The following GFRA1 variants were observed in gnomAD, a reference collection of about 807,000 sequenced individuals.
GFRA1 encodes the protein GDNF family receptor alpha 1.
In GFRA1, 16 loss-of-function variants were observed where a neutral mutation model predicts 51.6. That is an observed-to-expected ratio of 0.31 (90% CI 0.21 to 0.47). The LOEUF is 0.47. Among genes scored for constraint, GFRA1 ranks in the 20% least tolerant of loss-of-function variants. GFRA1 has a pLI of 1.00. For missense variants in GFRA1, 530 were observed against 594.3 expected (o/e 0.89, Z 1.13); for synonymous variants, 270 against 241.3 (o/e 1.12, Z -1.10).
intron 5 of GFRA1, among the ~76,000 whole-genome samples, chr10:116,128,955 T>C (rs1447350820): frequency 6.6e-6 from 1 of 152,154 alleles, no homozygotes; most frequent in Non-Finnish European, 1.5e-5. Flanking sequence ...TAGGTGTGAC[T>C]TAGCCTCACT....
At chr10:116,128,352 CG>C (rs1957958525) in intron 5 of GFRA1, among the ~76,000 whole-genome samples, 1 of 152,134 alleles carries the variant, frequency 6.6e-6, no homozygotes, top group African/African-American at 2.4e-5. Context: ...ATAAAAATAA[CG>C]AAAGTCAACA....
chr10:116,196,909 A>C (rs1963929672), intron 5 of GFRA1, among the ~76,000 whole-genome samples: 1 of 147,808 alleles, frequency 6.8e-6, no homozygotes, highest in Non-Finnish European at 1.5e-5. Context: ...CAGGAGGGCC[A>C]TGCTGAAGGT....
chr10:116,187,619 T>C (rs1445610623), intron 5 of GFRA1, among the ~76,000 whole-genome samples: 1 of 152,214 alleles, frequency 6.6e-6, no homozygotes, highest in African/African-American at 2.4e-5. Flanking sequence ...GGTTGACTTT[T>C]CTATGCAAGT....
chr10:116,133,286 G>C (rs559036470), intron 5 of GFRA1, among the ~76,000 whole-genome samples: 1 of 152,200 alleles, frequency 6.6e-6, no homozygotes, highest in East Asian at 1.9e-4. Context: ...TCACTTTGCA[G>C]GTTACGTATT....
chr10:116,248,170 G>A (rs564357026), intron 4 of GFRA1, among the ~76,000 whole-genome samples: 74 of 152,266 alleles, frequency 4.9e-4, no homozygotes, highest in African/African-American at 1.7e-3. Flanking sequence ...ACTTCTTGCA[G>A]AATGTGGCCT....
chr10:116,123,010 AG>A (rs1360637737), intron 6 of GFRA1, among the ~76,000 whole-genome samples: 2 of 152,348 alleles, frequency 1.3e-5, no homozygotes, highest in South Asian at 2.1e-4. Context: ...TAGAGACTAC[AG>A]GGGGCCAGGA....
At chr10:116,104,143 T>C (rs1282510316) in intron 6 of GFRA1, among the ~76,000 whole-genome samples, 1 of 152,204 alleles carries the variant, frequency 6.6e-6, no homozygotes, top group Admixed American at 6.5e-5. Flanking sequence ...GGTAGTGGGA[T>C]TATTAAAGCC....
At chr10:116,227,199 G>A (rs1047802984) in intron 4 of GFRA1, among the ~76,000 whole-genome samples, 2 of 152,192 alleles carry the variant, frequency 1.3e-5, no homozygotes, top group African/African-American at 4.8e-5. Flanking sequence ...TACCCAAAGA[G>A]AGGAAACAGA....
intron 5 of GFRA1, among the ~76,000 whole-genome samples, chr10:116,211,026 A>G (rs962444435): frequency 9.9e-5 from 15 of 152,174 alleles, no homozygotes; most frequent in Non-Finnish European, 2.1e-4. Flanking sequence ...ACATGGGCCA[A>G]TGTGGGGTTA....
intron 4 of GFRA1, among the ~76,000 whole-genome samples, chr10:116,221,075 A>G (rs1189644251): frequency 6.6e-6 from 1 of 152,186 alleles, no homozygotes; most frequent in East Asian, 1.9e-4. Flanking sequence ...TATTAATAAT[A>G]ACTAATATGC....
chr10:116,086,670 T>C (rs554507421), intron 9 of GFRA1, among the ~76,000 whole-genome samples: 12 of 152,274 alleles, frequency 7.9e-5, no homozygotes, highest in African/African-American at 2.9e-4. Context: ...GCTGTTTAGC[T>C]CCAGGATATG....
At chr10:116,237,320 C>A (rs1298671387) in intron 4 of GFRA1, among the ~76,000 whole-genome samples, 8 of 152,108 alleles carry the variant, frequency 5.3e-5, no homozygotes, top group Admixed American at 3.3e-4. Context: ...TTAACCACAC[C>A]TCTTGATGAT....
rs1158907896 is a variant in GFRA1 at position 116,126,316 on chromosome 10, T to A, written c.434-759A>T. 2.6e-5 allele frequency among the ~76,000 whole-genome samples: 4 copies of A among 152,246 alleles called. No individual in the cohort carries two copies. The East Asian group carries it at 7.7e-4, about 29-fold the overall frequency. On this transcript the variant is annotated intron_variant, in intron 5 of 10. Transcript: ENST00000355422. ...GAAGCTCACAGAGCATATGCTGCCT[T>A]CTGCCCAAGCCCTGTGCACTCATAC...
chr10:116,265,329 A>G (rs1391768379), intron 4 of GFRA1, among the ~76,000 whole-genome samples: 1 of 152,194 alleles, frequency 6.6e-6, no homozygotes, highest in Admixed American at 6.5e-5. Flanking sequence ...TCTTGCATGC[A>G]ATATCATCAA....
intron 4 of GFRA1, among the ~76,000 whole-genome samples, chr10:116,221,174 C>T (rs1244057831): frequency 6.6e-6 from 1 of 152,152 alleles, no homozygotes; most frequent in African/African-American, 2.4e-5. Flanking sequence ...GGTAGCTATT[C>T]TCATTATCTT....
intron 6 of GFRA1, among the ~76,000 whole-genome samples, chr10:116,115,347 C>T (rs1217580720): frequency 2.4e-4 from 36 of 151,936 alleles, no homozygotes; most frequent in Non-Finnish European, 2.9e-5. Flanking sequence ...GTGGGGAGGC[C>T]GAGGGAAGAG....
intron 4 of GFRA1, among the ~76,000 whole-genome samples, chr10:116,261,721 T>C (rs556630523): frequency 6.6e-6 from 1 of 152,162 alleles, no homozygotes; most frequent in Non-Finnish European, 1.5e-5. Context: ...AGAAAAATAG[T>C]TGCTGAATAA....
intron 6 of GFRA1, among the ~76,000 whole-genome samples, chr10:116,112,867 C>A (rs569623870): frequency 1.3e-4 from 20 of 152,214 alleles, no homozygotes; most frequent in Non-Finnish European, 2.4e-4. Context: ...GCATCCTGAC[C>A]CACTGTGGCT....
chr10:116,249,395 G>C (rs1968130586), intron 4 of GFRA1, among the ~76,000 whole-genome samples: 1 of 152,154 alleles, frequency 6.6e-6, no homozygotes, highest in Non-Finnish European at 1.5e-5. Context: ...CCAACACAAA[G>C]AGCACATCCA....
Sources: gnomAD v4.1 joint callset for allele counts (sites outside exome capture counted in the v4.1 genomes callset) on GRCh38, gnomAD v4.1.1 for gene constraint, MANE v1.5 for transcripts, NCBI Gene and HGNC (gene_info 2026-07-23, HGNC 2026-07-21) for gene names.